The following MACF1 variants were observed in gnomAD, a reference collection of about 807,000 sequenced individuals.
MACF1 encodes the protein microtubule-actin cross-linking factor 1.
A neutral mutation model predicts 854.8 loss-of-function variants in MACF1; 193 were observed. The observed-to-expected ratio is 0.23, with a 90% CI of 0.20 to 0.25. The LOEUF is 0.25. Among genes scored for constraint, MACF1 ranks in the 10% least tolerant of loss-of-function variants. The pLI, the probability that MACF1 is intolerant of heterozygous loss-of-function variation, is 1.00. For missense variants in MACF1, 7,722 were observed against 8,929.1 expected (o/e 0.86, Z 5.45); for synonymous variants, 3,185 against 3,226.7 (o/e 0.99, Z 0.44).
chr1:39,294,390 C>T (rs184166496), intron 18 of MACF1, among the ~76,000 whole-genome samples: 44 of 152,302 alleles, frequency 2.9e-4, no homozygotes, highest in Non-Finnish European at 5.3e-4. Context: ...TTGTTTTTAA[C>T]ATGCACTTTA....
intron 2 of MACF1, among the ~76,000 whole-genome samples, chr1:39,141,162 C>T (rs1029840401): frequency 5.3e-5 from 8 of 152,080 alleles, no homozygotes; most frequent in African/African-American, 7.2e-5. Flanking sequence ...AATATTTTCA[C>T]GCTGTTAAAT....
intron 58 of MACF1, chr1:39,414,428 T>C: frequency 6.2e-7 from 1 of 1,614,022 alleles, no homozygotes; most frequent in Non-Finnish European, 8.5e-7. Flanking sequence ...AGCACAGTGC[T>C]ACATGGGAAA....
chr1:39,283,985 T>G lies in MACF1; in HGVS notation c.916-81T>G. 6.8e-7 allele frequency: 1 copy of G among 1,469,334 alleles called. No individual in the cohort carries two copies. The highest frequency in any genetic ancestry group is 9.4e-7 in the Non-Finnish European group (1 of 1,068,854). The allele number at this position is 1,469,334 out of a possible 1,614,324, so 91.0% of individuals were successfully genotyped here. A position where few individuals can be genotyped will look rare whatever the true frequency, so the allele number is the denominator to read the frequency against. On this transcript the variant is annotated intron_variant, in intron 9 of 100. Coordinates refer to ENST00000564288, the MANE Select transcript of MACF1 (RefSeq NM_001394062.1). This position sits in a 1 kb window ranked among gnomAD's most constrained non-coding sequence, Gnocchi z 4.5. ...TAAAGGAAATGGATTTTATATAGTT[T>G]GGAGTGGCCTGAGCTACTTTCTCTT...
rs1470347194 is a variant in MACF1 at position 39,437,841 on chromosome 1, C to T, written c.18053C>T (p.Pro6018Leu). Residue 6018 changes from proline (P) to leucine (L), a missense_variant, in exon 71 of 101, where the codon CCA becomes CTA. This residue lies in a region of MACF1 where 2,807 missense variants were observed against 3,235.8 expected (regional missense o/e 0.87). Coordinates refer to ENST00000564288, the MANE Select transcript of MACF1 (RefSeq NM_001394062.1). ...LENLSSRLRM[P>L]PLIPAEVDKI... Reference sequence around the variant, plus strand: ...AATCTTTCCTCTCGCCTGCGTATGCCACCACTGATCCCTGCTGAAGTAGAC... The same window carrying T: ...AATCTTTCCTCTCGCCTGCGTATGCTACCACTGATCCCTGCTGAAGTAGAC... 3 of 1,614,080 alleles carry T rather than the reference C, an allele frequency of 1.9e-6. No homozygotes were observed. Among genetic ancestry groups the T allele is most frequent in the Non-Finnish European group, 2.5e-6 (3 of 1,180,012 alleles).
intron 26 of MACF1, among the ~76,000 whole-genome samples, chr1:39,312,111 T>A (rs1313063914): frequency 6.6e-6 from 1 of 152,158 alleles, no homozygotes; most frequent in Admixed American, 6.5e-5. Context: ...GTTGACTGCA[T>A]GCTTTGGGAG....
intron 1 of MACF1, among the ~76,000 whole-genome samples, chr1:39,210,247 T>G (rs1644499805): frequency 6.6e-6 from 1 of 152,198 alleles, no homozygotes; most frequent in Non-Finnish European, 1.5e-5. Flanking sequence ...TACAAACTAG[T>G]TAAGTGCATA....
At chr1:39,240,680 T>C (rs1233600534) in intron 2 of MACF1, among the ~76,000 whole-genome samples, 3 of 152,186 alleles carry the variant, frequency 2.0e-5, no homozygotes, top group Non-Finnish European at 4.4e-5. Flanking sequence ...GTATTTTTAG[T>C]AGAGAACAGG....
intron 58 of MACF1, among the ~76,000 whole-genome samples, chr1:39,408,593 G>A (rs1484843539): frequency 2.6e-5 from 4 of 151,772 alleles, no homozygotes. Flanking sequence ...TTCTGGATTC[G>A]TTCGCCTTTG....
Position 39,231,179 on chromosome 1 carries a change from C to T in MACF1, c.110-3C>T, listed in dbSNP as rs775393744. Reference sequence around the variant, plus strand: ...CAGTGCCTTCTCTGTGTTTCCTTTACAGATGAACGGGACCGGGTTCAGAAG... The same window carrying T: ...CAGTGCCTTCTCTGTGTTTCCTTTATAGATGAACGGGACCGGGTTCAGAAG... On this transcript the variant is annotated splice_polypyrimidine_tract_variant and splice_region_variant and intron_variant, in intron 1 of 100. Coordinates refer to ENST00000564288, the MANE Select transcript of MACF1 (RefSeq NM_001394062.1). The T allele has an allele frequency of 2.5e-6, 4 of 1,614,116 alleles. No homozygotes were observed. The highest frequency in any genetic ancestry group is 2.2e-5 in the East Asian group (1 of 44,888).
At chr1:39,322,237 C>T (rs1646528178) in intron 31 of MACF1, among the ~76,000 whole-genome samples, 1 of 152,170 alleles carries the variant, frequency 6.6e-6, no homozygotes, top group Non-Finnish European at 1.5e-5. Context: ...CAAACTATGA[C>T]CCACAGGCCA....
Position 39,432,530 on chromosome 1 carries a change from A to AT in MACF1, c.17338-3dup. 1 of 1,613,888 alleles carries AT rather than the reference A, an allele frequency of 6.2e-7. No individual in the cohort carries two copies. Among genetic ancestry groups the AT allele is most frequent in the South Asian group, 1.1e-5 (1 of 91,060 alleles). On this transcript the variant is annotated splice_region_variant and splice_polypyrimidine_tract_variant and intron_variant, in intron 66 of 100. Coordinates refer to ENST00000564288, the MANE Select transcript of MACF1 (RefSeq NM_001394062.1). ...TTGTTTATTTTTCTTTAATACGTCT[A>AT]TTAGTATGAGCAAGCTGCCGATGCA...
At chr1:39,090,621 A>G (rs1457061724) in intron 2 of MACF1, among the ~76,000 whole-genome samples, 1 of 152,178 alleles carries the variant, frequency 6.6e-6, no homozygotes, top group Non-Finnish European at 1.5e-5. Flanking sequence ...TGACATAGAG[A>G]AAGGTATGGA....
intron 16 of MACF1, 63 bp from the exon 17 acceptor site, chr1:39,292,703 C>T (rs1645817379): frequency 4.2e-6 from 5 of 1,179,698 alleles, no homozygotes; most frequent in Middle Eastern, 1.9e-4. Context: ...ATAGTTGCAA[C>T]CATAACACGT....
chr1:39,169,998 T>G (rs502496), intron 2 of MACF1, among the ~76,000 whole-genome samples: 141,882 of 150,786 alleles, frequency 0.94, 66,844 homozygotes, highest in East Asian at 1. Context: ...AGCCAGGATG[T>G]TCTCGATCTC....
intron 58 of MACF1, among the ~76,000 whole-genome samples, chr1:39,419,768 G>A (rs577767143): frequency 1.1e-4 from 16 of 151,424 alleles, no homozygotes; most frequent in African/African-American, 3.9e-4. Flanking sequence ...AAGTAGCTGG[G>A]ACTACAGGCG....
intron 2 of MACF1, among the ~76,000 whole-genome samples, chr1:39,116,150 A>G (rs12128581): frequency 0.15 from 23,052 of 152,172 alleles, 2,264 homozygotes; most frequent in Non-Finnish European, 0.22. Context: ...GAGAAGGAAG[A>G]TATAATACAA....
intron 2 of MACF1, chr1:39,102,581 G>A: frequency 1.7e-6 from 1 of 603,342 alleles, no homozygotes; most frequent in Non-Finnish European, 2.9e-6. Flanking sequence ...CACATTAGAG[G>A]CGCTGAAAGA....
intron 6 of MACF1, chr1:39,268,337 C>A: frequency 2.0e-6 from 1 of 506,364 alleles, no homozygotes; most frequent in Non-Finnish European, 2.6e-6. Context: ...TGGTTTCTAG[C>A]TCCTTTTTGC....
At chr1:39,085,219 T>C (rs2148115421) in intron 2 of MACF1, among the ~76,000 whole-genome samples, 1 of 152,350 alleles carries the variant, frequency 6.6e-6, no homozygotes, top group South Asian at 2.1e-4. Context: ...ATGCCCACTG[T>C]GCAGGGATGC....
Sources: gnomAD v4.1 joint callset for allele counts (sites outside exome capture counted in the v4.1 genomes callset) on GRCh38, gnomAD v4.1.1 for gene constraint, gnomAD v4.1.1 regional missense constraint, Gnocchi (gnomAD v3.1) non-coding constraint, MANE v1.5 for transcripts, NCBI Gene and HGNC (gene_info 2026-07-23, HGNC 2026-07-21) for gene names.